The following PHLDB2 variants were observed in gnomAD, a reference collection of about 807,000 sequenced individuals.
PHLDB2 encodes pleckstrin homology like domain family B member 2, also known as pleckstrin homology-like domain family B member 2.
Under a neutral mutation model 123.6 loss-of-function variants are expected in PHLDB2, and 71 were observed. The observed-to-expected ratio is 0.57, with a 90% CI of 0.47 to 0.70. The LOEUF (loss-of-function observed/expected upper bound fraction) is 0.70, where lower values mean the gene tolerates loss of function less well. Ranked by LOEUF, PHLDB2 falls within the 30% of genes least tolerant of loss-of-function variation. The pLI is 0.00. For missense variants in PHLDB2, 1,446 were observed against 1,519.5 expected (o/e 0.95, Z 0.80); for synonymous variants, 547 against 541.6 (o/e 1.01, Z -0.14).
chr3:111,955,144 G>GAT (rs1553754364), intron 12 of PHLDB2, among the ~76,000 whole-genome samples: 100,349 of 145,176 alleles, frequency 0.69, 36,550 homozygotes, highest in East Asian at 0.91. Context: ...ATGTATATAT[G>GAT]ATATATATAT....
intron 1 of PHLDB2, among the ~76,000 whole-genome samples, chr3:111,770,201 C>A (rs941685696): frequency 6.6e-6 from 1 of 152,100 alleles, no homozygotes; most frequent in Non-Finnish European, 1.5e-5. Context: ...GTGCTTATTA[C>A]GTCATCAATG....
Position 111,967,620 on chromosome 3 carries a change from A to T in PHLDB2, c.3169-58A>T, listed in dbSNP as rs115623400. On this transcript the variant is annotated intron_variant, in intron 14 of 17. Transcript: ENST00000431670. ...GAATTGTCTTTTTTATATTGATTGG[A>T]ACCATTCAAGTATAACCAGTATGTT... The T allele has an allele frequency of 5.4e-3, 8,077 of 1,499,508 alleles. 174 individuals carry two copies. Among genetic ancestry groups the T allele is most frequent in the African/African-American group, 0.049 (3,461 of 70,512 alleles). 92.9% of individuals were successfully genotyped at this position (1,499,508 alleles called of 1,614,324 possible).
At chr3:111,779,739 A>C in intron 1 of PHLDB2, 1 of 535,588 alleles carries the variant, frequency 1.9e-6, no homozygotes, top group Non-Finnish European at 2.4e-6. Flanking sequence ...CGTTAAGATG[A>C]ACATACAGGT....
Position 111,884,475 on chromosome 3 carries a change from GC to G in PHLDB2, c.400del (p.Arg134GlyfsTer7). On this transcript the variant is annotated frameshift_variant, in exon 2 of 18. Transcript: ENST00000431670. LOFTEE classifies it high-confidence loss of function. ...AGAGCAGACTTTGATCATTATACTGGCCGGGACAGTGAAAGGGCCTTGAGGC... is the reference window on the plus strand; with the variant it reads ...AGAGCAGACTTTGATCATTATACTGGCGGGACAGTGAAAGGGCCTTGAGGC... ...LGRADFDHYT[G>X]RDSERALRLS... 6.2e-7 allele frequency: 1 copy of G among 1,614,124 alleles called. No homozygotes were observed. The highest frequency in any genetic ancestry group is 8.5e-7 in the Non-Finnish European group (1 of 1,180,010).
At chr3:111,972,108 C>T (rs2072231386) in intron 16 of PHLDB2, among the ~76,000 whole-genome samples, 1 of 152,146 alleles carries the variant, frequency 6.6e-6, no homozygotes, top group South Asian at 2.1e-4. Context: ...GCTTGAAACA[C>T]TGGCAAGATT....
At chr3:111,758,146 G>A (rs1028586180) in intron 1 of PHLDB2, among the ~76,000 whole-genome samples, 4 of 152,012 alleles carry the variant, frequency 2.6e-5, no homozygotes, top group Non-Finnish European at 4.4e-5. Flanking sequence ...GTCAGACAGG[G>A]ACATTTAACT....
At position 111,919,184 on chromosome 3, in the gene PHLDB2, T is replaced by C; in HGVS notation, c.1832T>C (p.Ile611Thr). The C allele has an allele frequency of 6.2e-7, 1 of 1,614,146 alleles. No homozygotes were observed. The highest frequency in any genetic ancestry group is 8.5e-7 in the Non-Finnish European group (1 of 1,179,968). Residue 611 changes from isoleucine to threonine, a missense_variant, in exon 4 of 18, where the codon ATA becomes ACA. Ile to Thr is a moderately conservative substitution (Grantham distance 89). Coordinates refer to ENST00000431670, the MANE Select transcript of PHLDB2 (RefSeq NM_001134438.2). ...LEELKQKIKD[I>T]NDQMDESFRE... Reference sequence around the variant, plus strand: ...GAACTTAAGCAAAAAATCAAAGACATAAATGATCAGATGGATGAGTCTTTC... The same window carrying C: ...GAACTTAAGCAAAAAATCAAAGACACAAATGATCAGATGGATGAGTCTTTC...
intron 1 of PHLDB2, among the ~76,000 whole-genome samples, chr3:111,883,741 A>G (rs1012731801): frequency 6.6e-6 from 1 of 152,230 alleles, no homozygotes; most frequent in African/African-American, 2.4e-5. Context: ...TGTTCCTCGA[A>G]GGGCCAGAAC....
intron 1 of PHLDB2, among the ~76,000 whole-genome samples, chr3:111,751,206 T>TGC (rs766245574): frequency 4.7e-5 from 7 of 150,186 alleles, no homozygotes; most frequent in South Asian, 2.1e-4. Flanking sequence ...TGTGTGTGTG[T>TGC]GCAGACAGAT....
chr3:111,886,349 C>T (rs2066161526), intron 2 of PHLDB2, among the ~76,000 whole-genome samples: 1 of 152,176 alleles, frequency 6.6e-6, no homozygotes, highest in Non-Finnish European at 1.5e-5. Context: ...CCAGGCTTGT[C>T]CAACCTGTGG....
chr3:111,952,571 G>A lies in PHLDB2; in HGVS notation c.2632-1G>A, dbSNP rs770339740. 1.9e-6 allele frequency: 3 copies of A among 1,607,352 alleles called. No homozygotes were observed. Among genetic ancestry groups the A allele is most frequent in the Non-Finnish European group, 2.5e-6 (3 of 1,178,180 alleles). ...ATTTTGCTTTGCATTTGCATTTAAA[G>A]CACTTTAGAAGTCTGGAAGAAAGGA... On this transcript the variant is annotated splice_acceptor_variant, in intron 10 of 17. Coordinates refer to ENST00000431670, the MANE Select transcript of PHLDB2 (RefSeq NM_001134438.2). LOFTEE classifies it high-confidence loss of function.
chr3:111,769,546 T>C (rs1354001941), intron 1 of PHLDB2, among the ~76,000 whole-genome samples: 1 of 152,216 alleles, frequency 6.6e-6, no homozygotes, highest in East Asian at 1.9e-4. Flanking sequence ...ATTACTCTAT[T>C]TTCAAATAAT....
At chr3:111,780,864 GT>G (rs2060448923) in intron 1 of PHLDB2, among the ~76,000 whole-genome samples, 1 of 152,070 alleles carries the variant, frequency 6.6e-6, no homozygotes, top group Non-Finnish European at 1.5e-5. Flanking sequence ...TTAACTGAAT[GT>G]TTACAAAGGA....
chr3:111,894,034 A>G (rs868454105), intron 2 of PHLDB2, among the ~76,000 whole-genome samples: 1 of 142,540 alleles, frequency 7.0e-6, no homozygotes, highest in South Asian at 2.4e-4. Context: ...AGCATTAGGT[A>G]TATCTCCCAA....
chr3:111,891,591 A>G (rs754389224), intron 2 of PHLDB2, among the ~76,000 whole-genome samples: 3 of 152,082 alleles, frequency 2.0e-5, no homozygotes, highest in Non-Finnish European at 4.4e-5. Context: ...TGTAGTAATA[A>G]TAGAAATAAA....
At chr3:111,857,667 T>C (rs2064581952), upstream of PHLDB2, among the ~76,000 whole-genome samples, 1 of 151,998 alleles carries the variant, frequency 6.6e-6, no homozygotes, top group Non-Finnish European at 1.5e-5. Flanking sequence ...AGAATTCCTC[T>C]AAAAAACCCG....
chr3:111,885,528 C>A, intron 2 of PHLDB2, 116 bp downstream of exon 2: 3 of 1,283,500 alleles, frequency 2.3e-6, no homozygotes, highest in Non-Finnish European at 2.2e-6. Flanking sequence ...TGTTCACTAG[C>A]CACAGCTGCT....
chr3:111,832,529 T>G (rs1409113118), intron 1 of PHLDB2, among the ~76,000 whole-genome samples: 2 of 149,542 alleles, frequency 1.3e-5, no homozygotes, highest in African/African-American at 4.9e-5. Flanking sequence ...CACTTAGGCT[T>G]TTTCCCGCTG....
chr3:111,909,930 G>T (rs1263598980), intron 2 of PHLDB2, among the ~76,000 whole-genome samples: 1 of 152,158 alleles, frequency 6.6e-6, no homozygotes, highest in African/African-American at 2.4e-5. Context: ...TTGGTTTTCT[G>T]CATAATGTAT....
Sources: allele counts gnomAD v4.1 joint callset (sites outside exome capture counted in the v4.1 genomes callset), GRCh38; gene constraint gnomAD v4.1.1; transcripts MANE v1.5; gene names NCBI Gene and HGNC (gene_info 2026-07-23, HGNC 2026-07-21).